PTPRK: variants seen among roughly 807,000 people sequenced by gnomAD.
PTPRK encodes receptor-type tyrosine-protein phosphatase kappa.
A neutral mutation model predicts 178.0 loss-of-function variants in PTPRK; 75 were observed. The ratio of observed to expected loss-of-function variants is 0.42; its 90% CI spans 0.35 to 0.51. The LOEUF is 0.51. Ranked by LOEUF, PTPRK falls within the 20% of genes least tolerant of loss-of-function variation. PTPRK has a pLI of 0.02. For synonymous variants in PTPRK, 637 were observed against 620.6 expected (o/e 1.03, Z -0.39); for missense variants, 1,441 against 1,797.8 (o/e 0.80, Z 3.59).
chr6:128,360,527 G>T (rs1386692759), intron 2 of PTPRK, among the ~76,000 whole-genome samples: 1 of 152,132 alleles, frequency 6.6e-6, no homozygotes, highest in Non-Finnish European at 1.5e-5. Context: ...TAGCATTTGA[G>T]AAACATATAA....
chr6:128,052,702 T>G (rs558235485), intron 13 of PTPRK, among the ~76,000 whole-genome samples: 3 of 152,352 alleles, frequency 2.0e-5, no homozygotes, highest in Admixed American at 6.5e-5. Flanking sequence ...AATGTGAGGT[T>G]AATCTGTACC....
chr6:128,132,339 T>G (rs1222040358), intron 7 of PTPRK, among the ~76,000 whole-genome samples: 2 of 152,174 alleles, frequency 1.3e-5, no homozygotes, highest in Non-Finnish European at 2.9e-5. Context: ...CTCGCCCGGC[T>G]AATTTTTTGT....
At position 128,083,742 on chromosome 6, in the gene PTPRK, A is replaced by T; in HGVS notation, c.1548T>A (p.Asp516Glu). The T allele has an allele frequency of 1.2e-6, 2 of 1,602,536 alleles. No individual in the cohort carries two copies. The highest frequency in any genetic ancestry group is 2.7e-5 in the African/African-American group (2 of 74,436). Residue 516 changes from aspartate (D) to glutamate (E), a missense_variant, in exon 9 of 30, where the codon GAT (aspartate) becomes GAA (glutamate). Transcript: ENST00000368226. The part of the protein sequence containing the change: ...KIFLNWKEPL[D>E]PNGIITQYEI... Reference sequence around the variant, plus strand: ...CATATTGAGTGATGATTCCATTTGGATCCAAAGGTTCTTTCCAGTTCAAGA... The same window carrying T: ...CATATTGAGTGATGATTCCATTTGGTTCCAAAGGTTCTTTCCAGTTCAAGA...
intron 15 of PTPRK, among the ~76,000 whole-genome samples, chr6:128,002,271 A>C (rs1777916793): frequency 1.3e-5 from 2 of 151,866 alleles, no homozygotes; most frequent in Admixed American, 1.3e-4. Flanking sequence ...ATAAAATATA[A>C]GTTAAAGTTT....
chr6:127,987,431 A>G (rs1015798930), intron 21 of PTPRK, among the ~76,000 whole-genome samples: 7 of 152,120 alleles, frequency 4.6e-5, no homozygotes, highest in African/African-American at 1.7e-4. Flanking sequence ...TTATTAAATC[A>G]GGAACTATAT....
At chr6:128,084,130 T>A (rs2115005427) in intron 8 of PTPRK, among the ~76,000 whole-genome samples, 1 of 152,272 alleles carries the variant, frequency 6.6e-6, no homozygotes, top group African/African-American at 2.4e-5. Context: ...CTCTGTTGTA[T>A]ACCTCTAATA....
chr6:128,369,753 G>T (rs1291492181), intron 2 of PTPRK, among the ~76,000 whole-genome samples: 1 of 152,012 alleles, frequency 6.6e-6, no homozygotes, highest in African/African-American at 2.4e-5. Context: ...TATGGCATAT[G>T]CCACAAAGAC....
At chr6:128,021,265 A>G (rs963448332) in intron 13 of PTPRK, among the ~76,000 whole-genome samples, 10 of 152,218 alleles carry the variant, frequency 6.6e-5, no homozygotes, top group African/African-American at 2.4e-4. Flanking sequence ...TGGGCTATAG[A>G]TTGTCCAATT....
intron 25 of PTPRK, among the ~76,000 whole-genome samples, chr6:127,979,634 C>T (rs1470045351): frequency 2.0e-5 from 3 of 152,188 alleles, no homozygotes; most frequent in Non-Finnish European, 4.4e-5. Flanking sequence ...AGGACGAGAG[C>T]CTGCCTTTAG....
chr6:128,069,557 T>A (rs1014019268), intron 11 of PTPRK, among the ~76,000 whole-genome samples: 5 of 152,206 alleles, frequency 3.3e-5, no homozygotes, highest in African/African-American at 7.2e-5. Flanking sequence ...TACATTTGCA[T>A]GTCCTGTGGA....
intron 7 of PTPRK, among the ~76,000 whole-genome samples, chr6:128,133,457 C>A (rs1794560053): frequency 6.6e-6 from 1 of 152,022 alleles, no homozygotes; most frequent in Non-Finnish European, 1.5e-5. Context: ...TCATTTTTTA[C>A]CTTGAAATAT....
chr6:128,220,344 T>C (rs969889792), intron 5 of PTPRK, among the ~76,000 whole-genome samples: 1 of 152,090 alleles, frequency 6.6e-6, no homozygotes, highest in Non-Finnish European at 1.5e-5. Context: ...TGAAATGAGA[T>C]TGTCAATCTA....
intron 7 of PTPRK, among the ~76,000 whole-genome samples, chr6:128,179,796 T>A (rs187669737): frequency 1.3e-5 from 2 of 152,204 alleles, no homozygotes; most frequent in Admixed American, 1.3e-4. Context: ...GACTAAAGGC[T>A]AAAATTTAAC....
chr6:128,320,685 T>C (rs1828666768), intron 3 of PTPRK, among the ~76,000 whole-genome samples: 1 of 152,102 alleles, frequency 6.6e-6, no homozygotes, highest in Non-Finnish European at 1.5e-5. Context: ...ATCAGTACAA[T>C]GATAATGCAT....
rs1858591527 is a variant in PTPRK, at chr6:128,519,238, C to G, written c.100+1021G>C. ...GCGTCCACCTGGTGAAACTTCAGAG[C>G]CCCCAGAGGAGAGAACGAAAGAAGC... On this transcript the variant is annotated intron_variant, in intron 1 of 29. Coordinates refer to ENST00000368226, the MANE Select transcript of PTPRK (RefSeq NM_002844.4). The surrounding 1 kb of genome is among the most constrained non-coding windows in gnomAD (Gnocchi z 4.3). The G allele has an allele frequency of 4.9e-6, 2 of 407,194 alleles. No individual in the cohort carries two copies. The highest frequency in any genetic ancestry group is 4.2e-5 in the African/African-American group (2 of 47,452). 25.2% of individuals were successfully genotyped at this position (407,194 alleles called of 1,614,324 possible).
Position 128,006,222 on chromosome 6 carries a change from G to A in PTPRK, c.2334-978C>T, listed in dbSNP as rs1562421952. On this transcript the variant is annotated intron_variant, in intron 14 of 29. Transcript: ENST00000368226. ...ATTTCAATTTGCTCATGCATTGTTA[G>A]TTTTTTTTGCCATGCAATTAAACAG... Among the ~76,000 whole-genome samples, 5 of 150,508 alleles carry A rather than the reference G, an allele frequency of 3.3e-5. No homozygotes were observed. The South Asian group carries it at 1.0e-3, about 31-fold the overall frequency.
At position 128,143,300 on chromosome 6, in the gene PTPRK, T is replaced by C. The variant is rs117774615; in HGVS notation, c.1162+41132A>G. ...CCAAAGAAGTTCACCTCTCACCATA[T>C]ATAGAAAAGGAAGGGAACTATACAT... is the stretch of plus-strand genomic sequence containing the variant. On this transcript the variant is annotated intron_variant, in intron 7 of 29. Coordinates refer to ENST00000368226, the MANE Select transcript of PTPRK (RefSeq NM_002844.4). Among the ~76,000 whole-genome samples, 542 of 152,238 alleles carry C rather than the reference T, an allele frequency of 3.6e-3. 3 individuals carry two copies. The highest frequency in any genetic ancestry group is 6.1e-3 in the Non-Finnish European group (412 of 67,996).
At chr6:128,001,825 G>C (rs530253639) in intron 15 of PTPRK, among the ~76,000 whole-genome samples, 2 of 151,796 alleles carry the variant, frequency 1.3e-5, no homozygotes, top group African/African-American at 4.8e-5. Flanking sequence ...TAACATTTAG[G>C]CAACTAATTT....
intron 7 of PTPRK, among the ~76,000 whole-genome samples, chr6:128,136,543 A>G (rs753668502): frequency 7.9e-5 from 12 of 152,150 alleles, no homozygotes; most frequent in Non-Finnish European, 1.8e-4. Context: ...TTAGCTTTTT[A>G]AAAAATGCCT....
Sources: allele counts gnomAD v4.1 joint callset (sites outside exome capture counted in the v4.1 genomes callset), GRCh38; gene constraint gnomAD v4.1.1; non-coding constraint Gnocchi (gnomAD v3.1); transcripts MANE v1.5; gene names NCBI Gene and HGNC (gene_info 2026-07-23, HGNC 2026-07-21).